Variants in PMEL observed in about 807,000 individuals in gnomAD.
The protein encoded by PMEL is melanocyte protein PMEL.
Under a neutral mutation model 64.9 loss-of-function variants are expected in PMEL, and 53 were observed. The observed-to-expected ratio is 0.82, with a 90% CI of 0.66 to 1.03. The LOEUF is 1.03. Ranked by LOEUF, PMEL falls within the 50% of genes least tolerant of loss-of-function variation. PMEL has a pLI of 0.00. For synonymous variants in PMEL, 299 were observed against 316.2 expected, an observed-to-expected ratio of 0.95 and a Z score of 0.58; for missense variants, 716 against 814.9, an observed-to-expected ratio of 0.88 and a Z score of 1.48.
rs747992422 is a variant in PMEL at position 55,955,284 on chromosome 12, G to A, written c.1840C>T (p.Leu614=). ...TGATGAGGCCCTTACCTATATATCA[G>A]AGATGCAAGGACCACAGCCATCAAC... ...LVLMAVVLAS[L]IYRRRLMKQD... Residue 614 remains leucine, a synonymous_variant, in exon 10 of 11, where the codon CTG becomes TTG. Coordinates refer to ENST00000548747, the MANE Select transcript of PMEL (RefSeq NM_001384361.1). The A allele has an allele frequency of 3.1e-6, 5 of 1,607,710 alleles. No individual in the cohort carries two copies. The highest frequency in any genetic ancestry group is 4.3e-6 in the Non-Finnish European group (5 of 1,175,924).
chr12:55,965,855 C>T, intron 1 of PMEL, 81 bp downstream of exon 1: 2 of 1,547,346 alleles, frequency 1.3e-6, no homozygotes, highest in Middle Eastern at 3.4e-4. Context: ...GCCGCTATCT[C>T]CCATTAGGAG....
chr12:55,957,665 A>G lies in PMEL; in HGVS notation c.638T>C (p.Val213Ala). ...CTGGGACACGCTCACGGAGAAAGGCACCTGGTCTGGGATTGGAGCCAGAAA... is the reference window on the plus strand; with the variant it reads ...CTGGGACACGCTCACGGAGAAAGGCGCCTGGTCTGGGATTGGAGCCAGAAA... ...SSSAFTITDQ[V>A]PFSVSVSQLR... is the part of the protein sequence containing the mutation. The change falls in exon 6 of 11, where the codon GTG becomes GCG. Residue 213 changes from valine (V) to alanine (A), a missense_variant. Val to Ala is a moderately conservative substitution (Grantham distance 64). Transcript: ENST00000548747. 1.9e-6 allele frequency: 3 copies of G among 1,609,814 alleles called. No individual in the cohort carries two copies. The highest frequency in any genetic ancestry group is 2.5e-6 in the Non-Finnish European group (3 of 1,177,832).
chr12:55,959,111 G>A (rs1565775467), intron 3 of PMEL, among the ~76,000 whole-genome samples: 1 of 151,382 alleles, frequency 6.6e-6, no homozygotes, highest in Non-Finnish European at 1.5e-5. Flanking sequence ...CAGGTGTGGT[G>A]GCTCATGGCT....
upstream of PMEL, chr12:55,966,224 A>C (rs2136454511): frequency 2.8e-6 from 2 of 701,874 alleles, no homozygotes; most frequent in Non-Finnish European, 2.3e-6. Flanking sequence ...TTCTGGTTTC[A>C]CTGGGTCACT....
At chr12:55,963,878 C>T (rs993936752) in intron 1 of PMEL, among the ~76,000 whole-genome samples, 1 of 151,474 alleles carries the variant, frequency 6.6e-6, no homozygotes, top group African/African-American at 2.4e-5. Flanking sequence ...CTCTCCCCTC[C>T]CCTTCCCTCC....
intron 1 of PMEL, among the ~76,000 whole-genome samples, chr12:55,963,116 C>T (rs1467518023): frequency 6.6e-6 from 1 of 151,536 alleles, no homozygotes; most frequent in Non-Finnish European, 1.5e-5. Context: ...GAGATCACAC[C>T]ACTGCACTCC....
intron 6 of PMEL, among the ~76,000 whole-genome samples, chr12:55,956,700 G>A (rs1205109071): frequency 6.6e-6 from 1 of 152,154 alleles, no homozygotes; most frequent in Non-Finnish European, 1.5e-5. Context: ...CTCGCCAACC[G>A]TTCTCAGCAG....
upstream of PMEL, chr12:55,966,619 G>C: frequency 1.0e-6 from 1 of 1,003,486 alleles, no homozygotes; most frequent in Non-Finnish European, 1.2e-6. Flanking sequence ...TACTTGGGAA[G>C]AGTGTTCAGC....
intron 1 of PMEL, among the ~76,000 whole-genome samples, chr12:55,963,434 A>G (rs1006284468): frequency 6.6e-6 from 1 of 152,218 alleles, no homozygotes; most frequent in Non-Finnish European, 1.5e-5. Context: ...TGGCTAAAGT[A>G]TGTAAAAGCA....
chr12:55,960,800 G>C (rs1483022295), intron 3 of PMEL, among the ~76,000 whole-genome samples: 1 of 150,058 alleles, frequency 6.7e-6, no homozygotes, highest in Non-Finnish European at 1.5e-5. Flanking sequence ...GCCCGCCTCG[G>C]CCTCCCGAAG....
intron 3 of PMEL, 32 bp from the exon 4 acceptor site, chr12:55,958,639 C>G: frequency 1.9e-6 from 3 of 1,599,728 alleles, no homozygotes; most frequent in Non-Finnish European, 2.6e-6. Context: ...ACTCTCAAAC[C>G]CTGGCATTCT....
chr12:55,964,522 T>C (rs1341645470), intron 1 of PMEL, among the ~76,000 whole-genome samples: 1 of 152,170 alleles, frequency 6.6e-6, no homozygotes, highest in East Asian at 1.9e-4. Context: ...CTCAGGCTGG[T>C]CTTGAACTCC....
At chr12:55,960,545 T>G (rs997717440) in intron 3 of PMEL, among the ~76,000 whole-genome samples, 75 of 138,064 alleles carry the variant, frequency 5.4e-4, no homozygotes, top group Non-Finnish European at 7.8e-4. Context: ...CTGTTTTTTT[T>G]TTTTTTTTTT....
chr12:55,955,411 A>T (rs1888827693), intron 9 of PMEL, 50 bp from the exon 10 acceptor site: 2 of 1,612,892 alleles, frequency 1.2e-6, no homozygotes, highest in Admixed American at 1.7e-5. Flanking sequence ...GCTGCTTGCC[A>T]GCTGCCCTCT....
At chr12:55,960,221 A>AAAAAAAAG (rs1555193397) in intron 3 of PMEL, among the ~76,000 whole-genome samples, 10 of 149,174 alleles carry the variant, frequency 6.7e-5, no homozygotes, top group Non-Finnish European at 1.2e-4. Context: ...AAAAAAAAAA[A>AAAAAAAAG]AAAAGAAAAG....
chr12:55,958,874 C>T (rs1160249103), intron 3 of PMEL, among the ~76,000 whole-genome samples: 1 of 151,866 alleles, frequency 6.6e-6, no homozygotes, highest in African/African-American at 2.4e-5. Context: ...GTCAACCTCC[C>T]AGGGTCAAGC....
In PMEL at chr12:55,958,035, C is replaced by T. The variant is rs1020981783; in HGVS notation, c.519G>A (p.Gly173=). 5.0e-6 allele frequency: 8 copies of T among 1,614,208 alleles called. No individual in the cohort carries two copies. Among genetic ancestry groups the T allele is most frequent in the Non-Finnish European group, 5.9e-6 (7 of 1,180,038 alleles). Residue 173 remains glycine (G), a synonymous_variant, in exon 5 of 11, where the codon GGG becomes GGA. Coordinates refer to ENST00000548747, the MANE Select transcript of PMEL (RefSeq NM_001384361.1). The part of the protein sequence containing the change: ...LGGPVSGLSI[G]TGRAMLGTHT... Reference sequence around the variant, plus strand: ...GTGTGCCCAGCATTGCCCTGCCTGTCCCAATGCTCAGCCCAGACACTGGGC... The same window carrying T: ...GTGTGCCCAGCATTGCCCTGCCTGTTCCAATGCTCAGCCCAGACACTGGGC...
intron 7 of PMEL, 91 bp from the exon 8 acceptor site, chr12:55,955,954 A>C: frequency 8.3e-7 from 1 of 1,202,098 alleles, no homozygotes; most frequent in Non-Finnish European, 1.2e-6. Context: ...TGCTCCACCA[A>C]TCCCATCCCT....
At position 55,954,231 on chromosome 12, in the gene PMEL, T is replaced by C. The variant is rs781352850; in HGVS notation, c.1969A>G (p.Ser657Gly). The change falls in exon 11 of 11, where the codon AGT becomes GGT. Residue 657 changes from serine (S) to glycine (G), a missense_variant. By Grantham distance (56) the Ser-to-Gly change is moderately conservative (BLOSUM62 0). Transcript: ENST00000548747. ...GAGAGTACTCAGACCTGCTGCCCAC[T>C]GAGGAGGGGGCTGTTCTCACCAATG... The part of the protein sequence containing the change: ...CPIGENSPLL[S>G]GQQV The C allele has an allele frequency of 3.1e-6, 5 of 1,611,916 alleles. No individual in the cohort carries two copies. The South Asian group carries it at 4.4e-5, about 14-fold the overall frequency.
Sources: gnomAD v4.1 joint callset for allele counts (sites outside exome capture counted in the v4.1 genomes callset) on GRCh38, gnomAD v4.1.1 for gene constraint, MANE v1.5 for transcripts, NCBI Gene and HGNC (gene_info 2026-07-23, HGNC 2026-07-21) for gene names.